The following LYST variants were observed in gnomAD, a reference collection of about 807,000 sequenced individuals.
The protein encoded by LYST is lysosomal trafficking regulator.
Under a neutral mutation model 413.6 loss-of-function variants are expected in LYST, and 192 were observed. That is an observed-to-expected ratio of 0.46 (90% confidence interval 0.41 to 0.52). The LOEUF is 0.52. Ranked by LOEUF, LYST falls within the 20% of genes least tolerant of loss-of-function variation. LYST has a pLI of 0.00. For synonymous variants in LYST, 1,525 were observed against 1,567.3 expected, an observed-to-expected ratio of 0.97 and a Z score of 0.64; for missense variants, 3,815 against 4,499.9, an observed-to-expected ratio of 0.85 and a Z score of 4.35.
At chr1:235,687,951 G>A (rs16832807) in intron 47 of LYST, among the ~76,000 whole-genome samples, 7,775 of 152,212 alleles carry the variant, frequency 0.051, 621 homozygotes, top group African/African-American at 0.17. Flanking sequence ...GTGTGTTCAC[G>A]TCTCTGCTAC....
intron 22 of LYST, among the ~76,000 whole-genome samples, chr1:235,761,264 C>A (rs976966143): frequency 6.6e-6 from 1 of 152,080 alleles, no homozygotes; most frequent in Non-Finnish European, 1.5e-5. Flanking sequence ...CTATTACCAT[C>A]TCACCTGCAG....
At chr1:235,848,980 G>C (rs1375715120) in intron 1 of LYST, among the ~76,000 whole-genome samples, 1 of 151,956 alleles carries the variant, frequency 6.6e-6, no homozygotes, top group Non-Finnish European at 1.5e-5. Context: ...TATTCCACAA[G>C]AAAGAGAAAG....
At chr1:235,711,686 T>A (rs1044312090) in intron 43 of LYST, among the ~76,000 whole-genome samples, 1 of 152,190 alleles carries the variant, frequency 6.6e-6, no homozygotes, top group African/African-American at 2.4e-5. Flanking sequence ...CATAAAATAA[T>A]TGAGATTTCA....
At chr1:235,851,884 T>G (rs190622027) in intron 1 of LYST, among the ~76,000 whole-genome samples, 2 of 152,222 alleles carry the variant, frequency 1.3e-5, no homozygotes, top group Admixed American at 1.3e-4. Flanking sequence ...GAAAACCAAT[T>G]TAACAATAAT....
intron 39 of LYST, among the ~76,000 whole-genome samples, chr1:235,723,374 A>G (rs1663565816): frequency 6.6e-6 from 1 of 152,166 alleles, no homozygotes; most frequent in Non-Finnish European, 1.5e-5. Context: ...TAAAGTCATA[A>G]GACTGGATGA....
At chr1:235,714,280 G>A (rs1312307642) in intron 42 of LYST, among the ~76,000 whole-genome samples, 1 of 152,056 alleles carries the variant, frequency 6.6e-6, no homozygotes, top group Admixed American at 6.6e-5. Flanking sequence ...ATGCATCCAG[G>A]AGGCCCTCAA....
At chr1:235,671,199 A>C (rs1658914279) in intron 50 of LYST, among the ~76,000 whole-genome samples, 1 of 152,166 alleles carries the variant, frequency 6.6e-6, no homozygotes, top group South Asian at 2.1e-4. Flanking sequence ...CAGCCTCCCA[A>C]AGCGTTGGGA....
At chr1:235,756,581 A>G (rs1667071102) in intron 24 of LYST, among the ~76,000 whole-genome samples, 1 of 152,176 alleles carries the variant, frequency 6.6e-6, no homozygotes, top group Admixed American at 6.5e-5. Flanking sequence ...CAAACTAAAG[A>G]AAAATGAGAA....
intron 46 of LYST, among the ~76,000 whole-genome samples, chr1:235,696,834 A>G (rs1661144220): frequency 1.3e-5 from 2 of 152,174 alleles, no homozygotes; most frequent in Non-Finnish European, 2.9e-5. Context: ...AATCGATAAC[A>G]TCTTCATTTT....
intron 14 of LYST, among the ~76,000 whole-genome samples, chr1:235,786,552 T>C (rs1163484601): frequency 6.6e-6 from 1 of 152,192 alleles, no homozygotes; most frequent in Non-Finnish European, 1.5e-5. Flanking sequence ...TTACTGGGTA[T>C]ATACCCAAAG....
intron 10 of LYST, among the ~76,000 whole-genome samples, chr1:235,796,908 A>C (rs1207453780): frequency 2.0e-5 from 3 of 152,220 alleles, no homozygotes; most frequent in Non-Finnish European, 4.4e-5. Flanking sequence ...AGGGGAATAC[A>C]AATCAAAACC....
Position 235,733,596 on chromosome 1 carries a change from T to A in LYST, c.8708A>T (p.Lys2903Ile). The A allele has an allele frequency of 6.2e-7, 1 of 1,613,884 alleles. No homozygotes were observed. Among genetic ancestry groups the A allele is most frequent in the South Asian group, 1.1e-5 (1 of 91,064 alleles). Residue 2903 changes from lysine to isoleucine, a missense_variant, in exon 34 of 53, where the codon AAA becomes ATA. Lys to Ile is a moderately radical substitution (Grantham distance 102, BLOSUM62 -3). Around this residue, in one of 4 missense-constraint regions of LYST, gnomAD observed 866 missense variants for 1,156.0 expected, o/e 0.75. Coordinates refer to ENST00000389793, the MANE Select transcript of LYST (RefSeq NM_000081.4). The part of the protein sequence containing the change: ...AVSLSQGNER[K>I]KVIQHIRGMY... Reference sequence around the variant, plus strand: ...TCCTCTAATATGCTGGATCACCTTTTTTCTCTCATTTCCTTGGGAGAGAGA... The same window carrying A: ...TCCTCTAATATGCTGGATCACCTTTATTCTCTCATTTCCTTGGGAGAGAGA...
chr1:235,874,826 G>A (rs1055480752), intron 1 of LYST, among the ~76,000 whole-genome samples: 1 of 152,154 alleles, frequency 6.6e-6, no homozygotes, highest in Admixed American at 6.5e-5. Flanking sequence ...TTGTTGATAT[G>A]GTTGTTATTT....
At chr1:235,698,609 A>G (rs372323232) in intron 45 of LYST, among the ~76,000 whole-genome samples, 5 of 152,112 alleles carry the variant, frequency 3.3e-5, no homozygotes, top group Admixed American at 6.6e-5. Context: ...CGGTGGCTCA[A>G]GCCTGTAATC....
chr1:235,853,978 C>T (rs1204897611), intron 1 of LYST, among the ~76,000 whole-genome samples: 6 of 151,960 alleles, frequency 3.9e-5, no homozygotes, highest in Admixed American at 1.3e-4. Flanking sequence ...GAGAGAGAGA[C>T]GGCATTTAAA....
chr1:235,771,402 C>A (rs982096784), intron 19 of LYST, among the ~76,000 whole-genome samples: 1 of 152,090 alleles, frequency 6.6e-6, no homozygotes, highest in Non-Finnish European at 1.5e-5. Context: ...AATCAAACAA[C>A]CCCAAATTTG....
intron 11 of LYST, among the ~76,000 whole-genome samples, chr1:235,792,519 T>C (rs1671117295): frequency 6.6e-6 from 1 of 152,100 alleles, no homozygotes; most frequent in South Asian, 2.1e-4. Context: ...TTCATCATGT[T>C]GGCCAGGCTA....
At chr1:235,762,029 C>T (rs559893676) in intron 22 of LYST, among the ~76,000 whole-genome samples, 20 of 150,198 alleles carry the variant, frequency 1.3e-4, no homozygotes, top group Admixed American at 6.6e-4. Context: ...TGCTAAATGA[C>T]GAGTTAATGG....
intron 17 of LYST, among the ~76,000 whole-genome samples, chr1:235,776,734 T>C (rs1341446737): frequency 6.6e-6 from 1 of 152,018 alleles, no homozygotes; most frequent in African/African-American, 2.4e-5. Flanking sequence ...TTTTTTCCTA[T>C]GCATTGGAAA....
Sources: allele counts gnomAD v4.1 joint callset (sites outside exome capture counted in the v4.1 genomes callset), GRCh38; gene constraint gnomAD v4.1.1; regional missense constraint gnomAD v4.1.1; transcripts MANE v1.5; gene names NCBI Gene and HGNC (gene_info 2026-07-23, HGNC 2026-07-21).